BROX: variants seen among roughly 807,000 people sequenced by gnomAD.
BROX encodes BRO1 domain-containing protein BROX.
A neutral mutation model predicts 61.0 loss-of-function variants in BROX; 53 were observed. The ratio of observed to expected loss-of-function variants is 0.87; its 90% CI spans 0.70 to 1.09. The LOEUF (loss-of-function observed/expected upper bound fraction) is 1.09, where lower values mean the gene tolerates loss of function less well. BROX is among the 50% of genes least tolerant of loss of function. The pLI, the probability that BROX is intolerant of heterozygous loss-of-function variation, is 0.00. For missense variants in BROX, 489 were observed against 472.0 expected (o/e 1.04, Z -0.33); for synonymous variants, 152 against 160.2 (o/e 0.95, Z 0.38).
Position 222,735,130 on chromosome 1 carries a change from A to G in BROX, c.*2416A>G, listed in dbSNP as rs1476566940. On this transcript the variant is annotated 3_prime_UTR_variant, in exon 13 of 13. Coordinates refer to ENST00000340934, the MANE Select transcript of BROX (RefSeq NM_144695.4). Reference sequence around the variant, plus strand: ...TGACAACTAACATGTTACTTCAACTAAAAGTGTATAATGGGTTGTCTTTTT... The same window carrying G: ...TGACAACTAACATGTTACTTCAACTGAAAGTGTATAATGGGTTGTCTTTTT... The G allele has an allele frequency of 2.6e-5, 4 of 152,250 alleles. No individual in the cohort carries two copies. The highest frequency in any genetic ancestry group is 5.9e-5 in the Non-Finnish European group (4 of 68,036). 9.4% of individuals were successfully genotyped at this position (152,250 alleles called of 1,614,324 possible). A position where few individuals can be genotyped will look rare whatever the true frequency, so the allele number is the denominator to read the frequency against.
intron 7 of BROX, 26 bp from the exon 8 acceptor site, chr1:222,727,142 A>G: frequency 1.4e-6 from 2 of 1,479,700 alleles, no homozygotes; most frequent in South Asian, 1.2e-5. Flanking sequence ...TTAATTATAG[A>G]TTCACTTTAT....
rs1657783499 is a variant in BROX, at chr1:222,729,620, G to A, written c.757G>A (p.Ala253Thr). The change falls in exon 10 of 13, where the codon GCT becomes ACT. Residue 253 changes from alanine to threonine, a missense_variant and splice_region_variant. Transcript: ENST00000340934. ...HLKMCFYTAY[A>T]YCYHGETLLA... ...ATAAAAAATTTGTTTATTTCATCAG[G>A]CTTACTGTTACCATGGTGAGACTTT... 2 of 1,611,460 alleles carry A rather than the reference G, an allele frequency of 1.2e-6. No homozygotes were observed. The highest frequency in any genetic ancestry group is 1.7e-5 in the Admixed American group (1 of 59,960).
In BROX at chr1:222,722,470, T is replaced by C; in HGVS notation, c.357T>C (p.Ala119=). 1 of 1,613,692 alleles carries C rather than the reference T, an allele frequency of 6.2e-7. No homozygotes were observed. Among genetic ancestry groups the C allele is most frequent in the Non-Finnish European group, 8.5e-7 (1 of 1,179,688 alleles). Residue 119 remains alanine, a synonymous_variant, in exon 5 of 13, where the codon GCT becomes GCC. Transcript: ENST00000340934. The stretch of plus-strand genomic sequence containing the variant: ...TAATTTCCATGGGATTTAATGTAGC[T>C]TTATGGTATACCAAATATGCTTCAA... The part of the protein sequence containing the change: ...FELISMGFNV[A]LWYTKYASRL...
intron 8 of BROX, among the ~76,000 whole-genome samples, 173 bp downstream of exon 8, chr1:222,727,430 TA>T (rs1330875729): frequency 6.6e-6 from 1 of 152,230 alleles, no homozygotes; most frequent in Non-Finnish European, 1.5e-5. Context: ...GTATGCTGCA[TA>T]ACTTCTAATG....
At chr1:222,713,826 G>A (rs1204204558) in intron 1 of BROX, 1 of 152,220 alleles carries the variant, frequency 6.6e-6, no homozygotes, top group Non-Finnish European at 1.5e-5. Context: ...TATGGAAGAT[G>A]TGTAGAAGAT....
chr1:222,713,303 TGTTGGCGCGTGCGCACG>T, intron 1 of BROX: 1 of 985,826 alleles, frequency 1.0e-6, no homozygotes. Flanking sequence ...GGAACTCAAG[TGTTGGCGCGTGCGCACG>T]GTCGCCGCCC....
At chr1:222,713,375 T>G (rs1571952896) in intron 1 of BROX, 1 of 984,894 alleles carries the variant, frequency 1.0e-6, no homozygotes, top group South Asian at 4.7e-5. Flanking sequence ...GGCTGGGTGG[T>G]AAACAGGAAG....
chr1:222,728,727 T>TA lies in BROX; in HGVS notation c.671-12dup. The TA allele has an allele frequency of 6.5e-7, 1 of 1,539,904 alleles. No individual in the cohort carries two copies. On this transcript the variant is annotated splice_polypyrimidine_tract_variant and intron_variant, in intron 8 of 12. Coordinates refer to ENST00000340934, the MANE Select transcript of BROX (RefSeq NM_144695.4). ...CAGGGCGAAATTATATTTTGCTTTT[T>TA]AAAATGTAACTTTAGATCATACTTT...
intron 1 of BROX, chr1:222,715,016 C>T (rs1045464100): frequency 6.6e-6 from 1 of 152,164 alleles, no homozygotes; most frequent in African/African-American, 2.4e-5. Context: ...CTGTTGTCAG[C>T]AATATGTCGG....
At position 222,732,932 on chromosome 1, in the gene BROX, A is replaced by G; in HGVS notation, c.*218A>G. ...CTTTTTAATCAGGACAACATTTGAA[A>G]GATTTTATTGTGCCTCTAAAGGGTA... On this transcript the variant is annotated 3_prime_UTR_variant, in exon 13 of 13. Transcript: ENST00000340934. 1.9e-6 allele frequency: 1 copy of G among 517,496 alleles called. No homozygotes were observed. 32.1% of individuals were successfully genotyped at this position (517,496 alleles called of 1,614,324 possible). A position where few individuals can be genotyped will look rare whatever the true frequency, so the allele number is the denominator to read the frequency against.
intron 5 of BROX, among the ~76,000 whole-genome samples, chr1:222,722,955 A>G (rs1040720241): frequency 7.2e-5 from 11 of 152,220 alleles, no homozygotes; most frequent in Non-Finnish European, 1.2e-4. Context: ...AAACAAGTAC[A>G]GAAGGCTAGC....
Position 222,732,808 on chromosome 1 carries a change from T to A in BROX, c.*94T>A. 1 of 988,518 alleles carries A rather than the reference T, an allele frequency of 1.0e-6. No individual in the cohort carries two copies. The highest frequency in any genetic ancestry group is 1.5e-5 in the South Asian group (1 of 65,788). The allele number at this position is 988,518 out of a possible 1,614,324, so 61.2% of individuals were successfully genotyped here. On this transcript the variant is annotated 3_prime_UTR_variant, in exon 13 of 13. Coordinates refer to ENST00000340934, the MANE Select transcript of BROX (RefSeq NM_144695.4). The stretch of plus-strand genomic sequence containing the variant: ...CTCAAAATGATTTCTCTGAAGCTTG[T>A]AGAATAACTATTATATTCAGAGGGT...
intron 1 of BROX, among the ~76,000 whole-genome samples, chr1:222,714,611 A>G (rs1398403795): frequency 1.4e-5 from 2 of 142,016 alleles, no homozygotes; most frequent in Non-Finnish European, 3.0e-5. Flanking sequence ...CTTTTTTGAG[A>G]TAGGATCTTG....
chr1:222,715,790 A>G lies in BROX; in HGVS notation c.91A>G (p.Lys31Glu). The change falls in exon 2 of 13, where the codon AAA becomes GAA. Residue 31 changes from lysine (K) to glutamate (E), a missense_variant. Transcript: ENST00000340934. ...TGTAGTCACTGGCCCTTCTGCTTCA[A>G]AAATATGCAAGTAAGTTTATTGATT... is the stretch of plus-strand genomic sequence containing the variant. ...YGVVTGPSASKICNDLRSSRA... is the reference protein window; with the variant it reads ...YGVVTGPSASEICNDLRSSRA... 1 of 1,585,270 alleles carries G rather than the reference A, an allele frequency of 6.3e-7. No individual in the cohort carries two copies. Among genetic ancestry groups the G allele is most frequent in the Non-Finnish European group, 8.6e-7 (1 of 1,163,482 alleles).
intron 4 of BROX, 48 bp from the exon 5 acceptor site, chr1:222,722,371 G>A: frequency 6.8e-7 from 1 of 1,467,096 alleles, no homozygotes; most frequent in Non-Finnish European, 9.5e-7. Context: ...TTCATGGTGT[G>A]ATGTCTGGAT....
chr1:222,726,514 C>T (rs755980825), intron 7 of BROX, among the ~76,000 whole-genome samples: 1 of 151,970 alleles, frequency 6.6e-6, no homozygotes, highest in Non-Finnish European at 1.5e-5. Flanking sequence ...GTTGGGAGTT[C>T]GAGACCAGCC....
rs935846931 is a variant in BROX, at chr1:222,712,564, A to C, written c.-395A>C. 2.0e-4 allele frequency: 273 copies of C among 1,377,454 alleles called. 1 individual carries two copies. Among genetic ancestry groups the C allele is most frequent in the Non-Finnish European group, 2.3e-4 (249 of 1,060,612 alleles). The allele number at this position is 1,377,454 out of a possible 1,614,324, so 85.3% of individuals were successfully genotyped here. ...CCCCGGGTTAGGTTGAGGCCGCCCC[A>C]CTGCGCCGAGGGCCGCCATCGCTAT... On this transcript the variant is annotated 5_prime_UTR_variant, in exon 1 of 13. Transcript: ENST00000340934.
chr1:222,716,076 A>T (rs1656582642), intron 2 of BROX, among the ~76,000 whole-genome samples: 1 of 151,822 alleles, frequency 6.6e-6, no homozygotes, highest in East Asian at 2.0e-4. Flanking sequence ...TAGTGTATGG[A>T]CATTTTTATT....
rs1450698730 is a variant in BROX at position 222,733,454 on chromosome 1, G to A, written c.*740G>A. 2.0e-5 allele frequency: 3 copies of A among 151,968 alleles called. No homozygotes were observed. The highest frequency in any genetic ancestry group is 4.4e-5 in the Non-Finnish European group (3 of 68,024). The allele number at this position is 151,968 out of a possible 1,614,324, so 9.4% of individuals were successfully genotyped here. On this transcript the variant is annotated 3_prime_UTR_variant, in exon 13 of 13. Transcript: ENST00000340934. ...TTATTTGATATCAGAAGAATGACAG[G>A]AATCAGTTTTTAACAGAGATAGTTT...
Sources: gnomAD v4.1 joint callset for allele counts (sites outside exome capture counted in the v4.1 genomes callset) on GRCh38, gnomAD v4.1.1 for gene constraint, MANE v1.5 for transcripts, NCBI Gene and HGNC (gene_info 2026-07-23, HGNC 2026-07-21) for gene names.